TXNRD1: variants seen among roughly 807,000 people sequenced by gnomAD.
The protein encoded by TXNRD1 is thioredoxin reductase 1.
In TXNRD1, 57 loss-of-function variants were observed where a neutral mutation model predicts 80.3. The ratio of observed to expected loss-of-function variants is 0.71; its 90% CI spans 0.57 to 0.89. The LOEUF (loss-of-function observed/expected upper bound fraction) is 0.89. Ranked by LOEUF, TXNRD1 falls within the 40% of genes least tolerant of loss-of-function variation. The pLI, the probability that TXNRD1 is intolerant of heterozygous loss-of-function variation, is 0.00. For missense variants in TXNRD1, 730 were observed against 803.0 expected, an observed-to-expected ratio of 0.91 and a Z score of 1.10; for synonymous variants, 291 against 285.2, an observed-to-expected ratio of 1.02 and a Z score of -0.20.
chr12:104,327,879 C>T (rs369315860), intron 13 of TXNRD1, among the ~76,000 whole-genome samples: 8 of 151,188 alleles, frequency 5.3e-5, no homozygotes, highest in African/African-American at 9.7e-5. Context: ...ATCGACACTC[C>T]GCCGGGCACA....
intron 4 of TXNRD1, among the ~76,000 whole-genome samples, chr12:104,298,027 G>A (rs1184384058): frequency 6.6e-6 from 1 of 152,186 alleles, no homozygotes; most frequent in Non-Finnish European, 1.5e-5. Context: ...TGACCACAGA[G>A]CAAGGGTGGA....
chr12:104,348,205 A>G (rs1262533795), intron 16 of TXNRD1, 148 bp from the exon 17 acceptor site: 5 of 671,642 alleles, frequency 7.4e-6, no homozygotes, highest in Non-Finnish European at 1.3e-5. Flanking sequence ...GAGAAATAGA[A>G]GATATCCTTG....
intron 2 of TXNRD1, among the ~76,000 whole-genome samples, chr12:104,253,642 C>CT (rs200415733): frequency 6.6e-6 from 1 of 151,866 alleles, no homozygotes; most frequent in Non-Finnish European, 1.5e-5. Flanking sequence ...CTGCCACTTC[C>CT]TTTTTTTTAA....
At chr12:104,285,745 A>C (rs2033957097) in intron 3 of TXNRD1, among the ~76,000 whole-genome samples, 1 of 152,222 alleles carries the variant, frequency 6.6e-6, no homozygotes, top group Non-Finnish European at 1.5e-5. Context: ...AATTATTAAT[A>C]CAGAACTTGG....
chr12:104,274,166 G>C (rs1185027662), intron 3 of TXNRD1, among the ~76,000 whole-genome samples: 1 of 152,164 alleles, frequency 6.6e-6, no homozygotes, highest in African/African-American at 2.4e-5. Context: ...TGGAGAAATT[G>C]GTCTGAATGC....
At chr12:104,229,144 C>CTTT (rs56077479) in intron 1 of TXNRD1, among the ~76,000 whole-genome samples, 1 of 106,076 alleles carries the variant, frequency 9.4e-6, no homozygotes, top group Non-Finnish European at 1.8e-5. Flanking sequence ...CATTACTTTT[C>CTTT]TTTTTTTTTT....
chr12:104,291,326 G>A (rs1410009949), intron 4 of TXNRD1, among the ~76,000 whole-genome samples: 11 of 148,542 alleles, frequency 7.4e-5, no homozygotes, highest in Non-Finnish European at 1.0e-4. Flanking sequence ...TCAGCCTCCC[G>A]AGTAGCTGGG....
At chr12:104,252,661 TTTATATA>T (rs746469687) in intron 2 of TXNRD1, among the ~76,000 whole-genome samples, 3,501 of 58,440 alleles carry the variant, frequency 0.06, 267 homozygotes, top group Non-Finnish European at 0.07. Context: ...TTTATTATTT[TTTATATA>T]TATATATATA....
At chr12:104,283,986 C>T (rs558951011) in intron 3 of TXNRD1, among the ~76,000 whole-genome samples, 115 of 152,242 alleles carry the variant, frequency 7.6e-4, no homozygotes, top group African/African-American at 2.7e-3. Context: ...TTTTTCTCAT[C>T]AGGAAATAAT....
chr12:104,242,640 G>A (rs749776506), intron 1 of TXNRD1, among the ~76,000 whole-genome samples: 32 of 152,092 alleles, frequency 2.1e-4, no homozygotes, highest in Admixed American at 5.2e-4. Context: ...GTGAAAGAAA[G>A]GATATGTTTT....
chr12:104,261,161 T>A (rs940466283), intron 3 of TXNRD1, among the ~76,000 whole-genome samples: 21 of 152,098 alleles, frequency 1.4e-4, no homozygotes, highest in Admixed American at 1.1e-3. Flanking sequence ...TGCTCTTTCT[T>A]TCTTTTTTTT....
At chr12:104,343,276 T>C (rs933429246) in intron 16 of TXNRD1, among the ~76,000 whole-genome samples, 1 of 152,142 alleles carries the variant, frequency 6.6e-6, no homozygotes, top group African/African-American at 2.4e-5. Flanking sequence ...GAGCTGGGAT[T>C]CAAACCCAGG....
At chr12:104,304,510 TCG>T in intron 4 of TXNRD1, 2 of 1,613,946 alleles carry the variant, frequency 1.2e-6, no homozygotes, top group African/African-American at 2.7e-5. Flanking sequence ...AGAAAAAAGT[TCG>T]CAAGATGGAA....
intron 3 of TXNRD1, 132 bp from the exon 4 acceptor site, chr12:104,288,799 C>T (rs1314381631): frequency 3.1e-5 from 49 of 1,585,542 alleles, no homozygotes; most frequent in Non-Finnish European, 4.1e-5. Flanking sequence ...GTCATGCTAA[C>T]TTGCAAGGGA....
intron 3 of TXNRD1, among the ~76,000 whole-genome samples, chr12:104,267,651 TTC>T (rs1473092189): frequency 8.2e-4 from 17 of 20,644 alleles, no homozygotes; most frequent in African/African-American, 4.9e-3. Flanking sequence ...GATGGTATCT[TTC>T]TTTCTTTCTT....
At chr12:104,246,506 C>T (rs1449422426) in intron 1 of TXNRD1, among the ~76,000 whole-genome samples, 1 of 142,854 alleles carries the variant, frequency 7.0e-6, no homozygotes, top group East Asian at 2.1e-4. Context: ...TTTGAAAGTA[C>T]ATTTTATTGC....
chr12:104,238,368 G>A (rs2032783522), intron 1 of TXNRD1, among the ~76,000 whole-genome samples: 1 of 152,162 alleles, frequency 6.6e-6, no homozygotes, highest in Admixed American at 6.5e-5. Context: ...CAAATATCAA[G>A]CAAAACACAA....
intron 16 of TXNRD1, among the ~76,000 whole-genome samples, chr12:104,339,713 A>T (rs1237129553): frequency 6.6e-6 from 1 of 152,206 alleles, no homozygotes; most frequent in African/African-American, 2.4e-5. Context: ...AAATTGACCA[A>T]TCTAGGCCTC....
chr12:104,322,772 A>G (rs901985469), intron 10 of TXNRD1, among the ~76,000 whole-genome samples: 1 of 152,134 alleles, frequency 6.6e-6, no homozygotes, highest in African/African-American at 2.4e-5. Flanking sequence ...CTGTACTGAT[A>G]GAAAGTAACA....
Sources: gnomAD v4.1 joint callset for allele counts (sites outside exome capture counted in the v4.1 genomes callset) on GRCh38, gnomAD v4.1.1 for gene constraint, MANE v1.5 for transcripts, NCBI Gene and HGNC (gene_info 2026-07-23, HGNC 2026-07-21) for gene names.